Variants in DLGAP1 observed in about 807,000 individuals in gnomAD.
DLGAP1 encodes the protein DLG associated protein 1, also known as disks large-associated protein 1.
In DLGAP1, 11 loss-of-function variants were observed where a neutral mutation model predicts 90.8. The ratio of observed to expected loss-of-function variants is 0.12; its 90% CI spans 0.08 to 0.20. The LOEUF is 0.20. Among genes scored for constraint, DLGAP1 ranks in the 10% least tolerant of loss-of-function variants. DLGAP1 has a pLI of 1.00. For synonymous variants in DLGAP1, 558 were observed against 540.7 expected (o/e 1.03, Z -0.44); for missense variants, 1,050 against 1,333.8 (o/e 0.79, Z 3.31).
At chr18:4,308,815 C>T (rs2080328183) in intron 1 of DLGAP1, among the ~76,000 whole-genome samples, 1 of 152,318 alleles carries the variant, frequency 6.6e-6, no homozygotes, top group South Asian at 2.1e-4. Flanking sequence ...CTATTCTACC[C>T]TTTGCCAAAT....
At chr18:4,034,596 G>A (rs1431948720) in intron 2 of DLGAP1, among the ~76,000 whole-genome samples, 1 of 152,116 alleles carries the variant, frequency 6.6e-6, no homozygotes, top group African/African-American at 2.4e-5. Flanking sequence ...TAGGAAGTTG[G>A]AATGCTTCCT....
intron 3 of DLGAP1, among the ~76,000 whole-genome samples, chr18:3,897,809 A>C: frequency 9.7e-6 from 1 of 103,054 alleles, no homozygotes; most frequent in African/African-American, 3.9e-5. Context: ...TTTTTTTGAG[A>C]CGGAGTCTCG....
chr18:3,885,650 G>C (rs1468542963), intron 3 of DLGAP1, among the ~76,000 whole-genome samples: 2 of 152,210 alleles, frequency 1.3e-5, no homozygotes, highest in East Asian at 3.8e-4. Flanking sequence ...GAGGGTTTCT[G>C]TGACTACCAG....
chr18:4,003,918 G>A (rs936859650), intron 3 of DLGAP1, among the ~76,000 whole-genome samples: 1 of 152,186 alleles, frequency 6.6e-6, no homozygotes, highest in Non-Finnish European at 1.5e-5. Flanking sequence ...TGAAGACAGA[G>A]AAGTGTCAAA....
intron 9 of DLGAP1, among the ~76,000 whole-genome samples, chr18:3,559,476 T>A (rs1248029344): frequency 6.6e-6 from 1 of 152,194 alleles, no homozygotes; most frequent in African/African-American, 2.4e-5. Context: ...ACATTTTTTC[T>A]GCTTTTAATA....
chr18:4,090,327 A>G (rs2075755997), intron 2 of DLGAP1, among the ~76,000 whole-genome samples: 1 of 152,186 alleles, frequency 6.6e-6, no homozygotes, highest in Non-Finnish European at 1.5e-5. Context: ...GGAATGGGAG[A>G]AAATTTTTGC....
chr18:3,805,122 G>A (rs549486373), intron 5 of DLGAP1, among the ~76,000 whole-genome samples: 1 of 152,344 alleles, frequency 6.6e-6, no homozygotes, highest in Non-Finnish European at 1.5e-5. Flanking sequence ...GATGGCGATA[G>A]CTAACATATG....
At chr18:4,094,479 G>A (rs1368989035) in intron 2 of DLGAP1, among the ~76,000 whole-genome samples, 1 of 151,596 alleles carries the variant, frequency 6.6e-6, no homozygotes, top group Non-Finnish European at 1.5e-5. Flanking sequence ...TCTTGTTTGT[G>A]TCCTATATCA....
chr18:3,593,354 T>C (rs1473785979), intron 7 of DLGAP1, among the ~76,000 whole-genome samples: 1 of 152,186 alleles, frequency 6.6e-6, no homozygotes, highest in African/African-American at 2.4e-5. Context: ...ATCACTACCT[T>C]ATTTCAAAAT....
intron 1 of DLGAP1, among the ~76,000 whole-genome samples, chr18:4,346,474 A>G (rs1035572224): frequency 1.4e-4 from 22 of 152,220 alleles, no homozygotes; most frequent in Non-Finnish European, 3.1e-4. Context: ...TTTATGGAGT[A>G]CACAATATTA....
chr18:3,875,207 C>T (rs953337583), intron 4 of DLGAP1, among the ~76,000 whole-genome samples: 1 of 152,296 alleles, frequency 6.6e-6, no homozygotes, highest in East Asian at 1.9e-4. Context: ...TGCACACATA[C>T]ATTTACCACA....
At chr18:4,015,543 A>G (rs2074507595) in intron 2 of DLGAP1, among the ~76,000 whole-genome samples, 1 of 152,178 alleles carries the variant, frequency 6.6e-6, no homozygotes, top group African/African-American at 2.4e-5. Context: ...CTTGGTCATT[A>G]TATCCTGTTT....
At chr18:3,995,295 G>C (rs1395520204) in intron 3 of DLGAP1, 6 of 151,950 alleles carry the variant, frequency 3.9e-5, no homozygotes, top group African/African-American at 7.3e-5. Context: ...AAAGAAGCCC[G>C]GGTGAATAGA....
chr18:4,173,199 A>G (rs2077051913), intron 1 of DLGAP1, among the ~76,000 whole-genome samples: 1 of 152,232 alleles, frequency 6.6e-6, no homozygotes, highest in African/African-American at 2.4e-5. Context: ...CTGAAGAACC[A>G]AGAGCCTAAT....
rs529113150 is a variant in DLGAP1, at chr18:3,626,582, G to C, written c.1592-44334C>G. On this transcript the variant is annotated intron_variant, in intron 7 of 12. Transcript: ENST00000315677. ...GCACTCCACCCTGCTGGGTGACAGA[G>C]CAAGAACCTGTTAAAAAAAAAAAAA... is the stretch of plus-strand genomic sequence containing the variant. Among the ~76,000 whole-genome samples the C allele has an allele frequency of 3.1e-5, 4 of 130,432 alleles. No homozygotes were observed. In the South Asian group the frequency reaches 9.9e-4, roughly 32 times the overall value. 85.6% of individuals were successfully genotyped at this position (130,432 alleles called of 152,430 possible).
At chr18:3,892,319 C>T (rs1214083015) in intron 3 of DLGAP1, among the ~76,000 whole-genome samples, 1 of 152,084 alleles carries the variant, frequency 6.6e-6, no homozygotes, top group African/African-American at 2.4e-5. Context: ...CTCCCTGACC[C>T]GGCGTCCATC....
chr18:3,808,648 C>G (rs1270458354), intron 5 of DLGAP1, among the ~76,000 whole-genome samples: 3 of 152,110 alleles, frequency 2.0e-5, no homozygotes, highest in African/African-American at 7.2e-5. Context: ...CAGTTCATAT[C>G]TTTGGGGAAA....
chr18:3,523,054 C>T (rs1462647421), intron 10 of DLGAP1, among the ~76,000 whole-genome samples: 6 of 152,042 alleles, frequency 3.9e-5, no homozygotes, highest in African/African-American at 1.4e-4. Context: ...AATGAAAAAG[C>T]TCCTGTTATC....
At chr18:3,772,340 CTCTCTCTCTT>C (rs1478301947) in intron 5 of DLGAP1, among the ~76,000 whole-genome samples, 64 of 51,308 alleles carry the variant, frequency 1.2e-3, no homozygotes, top group African/African-American at 4.6e-3. Context: ...CCTTCTCTCT[CTCTCTCTCTT>C]TCTTTCTTTC....
Sources: allele counts gnomAD v4.1 joint callset (sites outside exome capture counted in the v4.1 genomes callset), GRCh38; gene constraint gnomAD v4.1.1; transcripts MANE v1.5; gene names NCBI Gene and HGNC (gene_info 2026-07-23, HGNC 2026-07-21).